The following SHD variants were observed in gnomAD, a reference collection of about 807,000 sequenced individuals.
SHD encodes the protein SH2 domain-containing adapter protein D.
In SHD, 29 loss-of-function variants were observed where a neutral mutation model predicts 31.2. The observed-to-expected ratio is 0.93, with a 90% confidence interval of 0.69 to 1.27. The LOEUF is 1.27. Ranked by LOEUF, SHD falls within the 50% of genes most tolerant of loss-of-function variation. SHD has a pLI of 0.00. For missense variants in SHD, 520 were observed against 453.8 expected (o/e 1.15, Z -1.33); for synonymous variants, 208 against 187.8 (o/e 1.11, Z -0.88).
rs2066176916 is a variant in SHD at position 4,283,162 on chromosome 19, C to T, written c.512C>T (p.Pro171Leu). ...SGQKPRQSRM[P>L]QEDERPADEY... ...CAGAAGCCTCGGCAGAGCCGGATGC[C>T]CCAGGAAGATGAACGGCCAGCAGAT... is the stretch of plus-strand genomic sequence containing the variant. Residue 171 changes from proline to leucine, a missense_variant, in exon 3 of 6, where the codon CCC (proline) becomes CTC (leucine). Physicochemically the swap from Pro to Leu is moderately conservative, Grantham distance 98 (BLOSUM62 -3). Transcript: ENST00000543264. 1.2e-6 allele frequency: 2 copies of T among 1,614,006 alleles called. No homozygotes were observed. Among genetic ancestry groups the T allele is most frequent in the Admixed American group, 1.7e-5 (1 of 59,984 alleles).
chr19:4,282,842 T>G, intron 1 of SHD, 28 bp from the exon 2 acceptor site: 1 of 1,609,238 alleles, frequency 6.2e-7, no homozygotes, highest in Non-Finnish European at 8.5e-7. Flanking sequence ...TCTGAGTCCT[T>G]GTCTTCTCCC....
intron 5 of SHD, 80 bp downstream of exon 5, chr19:4,288,442 AGGGT>A: frequency 7.5e-7 from 1 of 1,328,722 alleles, no homozygotes; most frequent in Non-Finnish European, 9.9e-7. Context: ...AGGGAAGGGG[AGGGT>A]GTGGCTCCCG....
At chr19:4,280,736 A>G (rs918969596) in intron 1 of SHD, among the ~76,000 whole-genome samples, 1 of 152,098 alleles carries the variant, frequency 6.6e-6, no homozygotes, top group African/African-American at 2.4e-5. Context: ...CATGTTAGCC[A>G]GGCTGGACTC....
chr19:4,283,528 G>A (rs1377011675), intron 3 of SHD, among the ~76,000 whole-genome samples: 1 of 151,966 alleles, frequency 6.6e-6, no homozygotes, highest in Non-Finnish European at 1.5e-5. Flanking sequence ...AGAATAGGAT[G>A]TGGGGGTGGC....
At position 4,284,742 on chromosome 19, in the gene SHD, G is replaced by T. The variant is rs568171305; in HGVS notation, c.593-39G>T. Reference sequence around the variant, plus strand: ...GCCCCTGCCCCGCCCCCCAAGGTAGGCTGGACTTAACCCTTTCCTCTCTAA... The same window carrying T: ...GCCCCTGCCCCGCCCCCCAAGGTAGTCTGGACTTAACCCTTTCCTCTCTAA... On this transcript the variant is annotated intron_variant, in intron 3 of 5. Transcript: ENST00000543264. 8.6e-6 allele frequency: 13 copies of T among 1,509,560 alleles called. 1 individual carries two copies. The African/African-American group carries it at 1.1e-4, about 13-fold the overall frequency. The allele number at this position is 1,509,560 out of a possible 1,614,324, so 93.5% of individuals were successfully genotyped here.
Position 4,290,615 on chromosome 19 carries a change from G to C in SHD, c.1005G>C (p.Val335=), listed in dbSNP as rs1971369089. The change falls in exon 6 of 6, where the codon GTG becomes GTC. Residue 335 remains valine, a synonymous_variant. Coordinates refer to ENST00000543264, the MANE Select transcript of SHD (RefSeq NM_020209.4). ...AGCATCTGGCTCTGCTGTACCCCGT[G>C]GTCACGCAGACCCCCTGACAGTGAC... ...GAEHLALLYP[V]VTQTP is the part of the protein sequence containing the mutation. 1.9e-6 allele frequency: 3 copies of C among 1,609,910 alleles called. No homozygotes were observed. The highest frequency in any genetic ancestry group is 2.5e-6 in the Non-Finnish European group (3 of 1,177,734).
chr19:4,288,144 A>C, intron 4 of SHD, 99 bp from the exon 5 acceptor site: 1 of 1,389,366 alleles, frequency 7.2e-7, no homozygotes, highest in Middle Eastern at 2.3e-4. Context: ...ACCTCAGGCA[A>C]TCCGCCCGCG....
Position 4,279,342 on chromosome 19 carries a change from C to T in SHD, c.-722C>T, listed in dbSNP as rs1261563048. 6.6e-6 allele frequency: 1 copy of T among 152,428 alleles called. No homozygotes were observed. Among genetic ancestry groups the T allele is most frequent in the Non-Finnish European group, 1.5e-5 (1 of 68,224 alleles). The allele number at this position is 152,428 out of a possible 1,614,324, so 9.4% of individuals were successfully genotyped here. ...GCGCGCCCCCCTCCCCAGCGTCCCA[C>T]CTCCCGGCGGCGGCGGGGAAAGTCT... On this transcript the variant is annotated 5_prime_UTR_variant, in exon 1 of 6. Transcript: ENST00000543264. This position sits in a 1 kb window ranked among gnomAD's most constrained non-coding sequence, Gnocchi z 7.5.
In SHD at chr19:4,279,879, C is replaced by G; in HGVS notation, c.-185C>G. On this transcript the variant is annotated 5_prime_UTR_variant, in exon 1 of 6. Coordinates refer to ENST00000543264, the MANE Select transcript of SHD (RefSeq NM_020209.4). The surrounding 1 kb of genome is among the most constrained non-coding windows in gnomAD (Gnocchi z 7.5). ...TCCTCTGTCGCCTCCTTTTCCTCCC[C>G]CTCGTTCACCTTTTCCTTCCCTCTA... 2.9e-6 allele frequency: 2 copies of G among 693,198 alleles called. No homozygotes were observed. The highest frequency in any genetic ancestry group is 4.7e-6 in the Non-Finnish European group (2 of 426,420). The allele number at this position is 693,198 out of a possible 1,614,324, so 42.9% of individuals were successfully genotyped here.
chr19:4,280,750 C>T (rs184177988), intron 1 of SHD, among the ~76,000 whole-genome samples: 12 of 152,256 alleles, frequency 7.9e-5, no homozygotes, highest in Non-Finnish European at 1.0e-4. Flanking sequence ...TGGACTCAAA[C>T]TCCTGACCTC....
In SHD at chr19:4,279,769, G is replaced by A; in HGVS notation, c.-295G>A. 2.4e-6 allele frequency: 1 copy of A among 410,454 alleles called. No homozygotes were observed. Among genetic ancestry groups the A allele is most frequent in the South Asian group, 4.1e-5 (1 of 24,446 alleles). 25.4% of individuals were successfully genotyped at this position (410,454 alleles called of 1,614,324 possible). A position where few individuals can be genotyped will look rare whatever the true frequency, so the allele number is the denominator to read the frequency against. On this transcript the variant is annotated 5_prime_UTR_variant, in exon 1 of 6. Transcript: ENST00000543264. This position sits in a 1 kb window ranked among gnomAD's most constrained non-coding sequence, Gnocchi z 7.5. ...CGGATGCCCCTCGCCCTAGCCCCCAGCGCGCGGGGTTCGGGGCCCTGCGAG... is the reference window on the plus strand; with the variant it reads ...CGGATGCCCCTCGCCCTAGCCCCCAACGCGCGGGGTTCGGGGCCCTGCGAG...
chr19:4,290,442 C>A lies in SHD; in HGVS notation c.837-5C>A. ...TCAGGAGTCCCTTTCTCCCTCATCG[C>A]CCAGGAGCAGCCAGGGCTTCCTGCA... is the stretch of plus-strand genomic sequence containing the variant. On this transcript the variant is annotated splice_polypyrimidine_tract_variant and splice_region_variant and intron_variant, in intron 5 of 5. Coordinates refer to ENST00000543264, the MANE Select transcript of SHD (RefSeq NM_020209.4). 1.2e-6 allele frequency: 2 copies of A among 1,608,264 alleles called. No homozygotes were observed. The highest frequency in any genetic ancestry group is 1.7e-6 in the Non-Finnish European group (2 of 1,176,996).
intron 3 of SHD, 132 bp from the exon 4 acceptor site, chr19:4,284,649 C>A: frequency 8.6e-7 from 1 of 1,159,274 alleles, no homozygotes; most frequent in Non-Finnish European, 1.1e-6. Context: ...CTGCCTTAAG[C>A]CCAGCCCCTG....
rs752582528 is a variant in SHD, at chr19:4,282,992, TG to T, written c.403+22del. 1.2e-6 allele frequency: 2 copies of T among 1,613,976 alleles called. No homozygotes were observed. Among genetic ancestry groups the T allele is most frequent in the Non-Finnish European group, 1.7e-6 (2 of 1,179,964 alleles). The stretch of plus-strand genomic sequence containing the variant: ...TCATGAGTGGTGAGTAGGCACGGCT[TG>T]GGGGAAGGTGACAGGGTCCCAGATG... On this transcript the variant is annotated intron_variant, in intron 2 of 5. Transcript: ENST00000543264.
intron 5 of SHD, among the ~76,000 whole-genome samples, chr19:4,290,077 T>C (rs1300168295): frequency 1.1e-4 from 17 of 151,238 alleles, no homozygotes; most frequent in Non-Finnish European, 2.9e-5. Flanking sequence ...GGTTTCACCA[T>C]GTTGGCCAGG....
At chr19:4,282,703 G>A (rs903916361) in intron 1 of SHD, among the ~76,000 whole-genome samples, 167 bp from the exon 2 acceptor site, 5 of 151,802 alleles carry the variant, frequency 3.3e-5, no homozygotes, top group East Asian at 1.9e-4. Flanking sequence ...GTGACAGAGC[G>A]AGACTCCATC....
At chr19:4,289,754 G>A (rs1971357412) in intron 5 of SHD, among the ~76,000 whole-genome samples, 1 of 149,466 alleles carries the variant, frequency 6.7e-6, no homozygotes, top group South Asian at 2.1e-4. Flanking sequence ...GTATTTTTTA[G>A]TAGACACGGG....
chr19:4,286,239 CTTT>C (rs747527522), intron 4 of SHD, among the ~76,000 whole-genome samples: 5 of 87,784 alleles, frequency 5.7e-5, no homozygotes, highest in African/African-American at 1.9e-4. Context: ...TCTTTTCTTT[CTTT>C]CTTTCTTTCT....
chr19:4,281,352 G>A (rs1971254526), intron 1 of SHD, among the ~76,000 whole-genome samples: 1 of 151,600 alleles, frequency 6.6e-6, no homozygotes, highest in African/African-American at 2.4e-5. Flanking sequence ...AGGAGGCTGA[G>A]GCAGGAGGAT....
Sources: allele counts gnomAD v4.1 joint callset (sites outside exome capture counted in the v4.1 genomes callset), GRCh38; gene constraint gnomAD v4.1.1; non-coding constraint Gnocchi (gnomAD v3.1); transcripts MANE v1.5; gene names NCBI Gene and HGNC (gene_info 2026-07-23, HGNC 2026-07-21).